The following BICRAL variants were observed in gnomAD, a reference collection of about 807,000 sequenced individuals.
The protein encoded by BICRAL is BRD4-interacting chromatin-remodeling complex-associated protein-like.
Under a neutral mutation model 91.8 loss-of-function variants are expected in BICRAL, and 8 were observed. That is an observed-to-expected ratio of 0.09 (90% CI 0.05 to 0.16). The LOEUF (loss-of-function observed/expected upper bound fraction) is 0.16, where lower values mean the gene tolerates loss of function less well. Ranked by LOEUF, BICRAL falls within the 10% of genes least tolerant of loss-of-function variation. The pLI, the probability that BICRAL is intolerant of heterozygous loss-of-function variation, is 1.00. For missense variants in BICRAL, 1,038 were observed against 1,310.9 expected, an observed-to-expected ratio of 0.79 and a Z score of 3.21; for synonymous variants, 445 against 491.1, an observed-to-expected ratio of 0.91 and a Z score of 1.24.
upstream of BICRAL, among the ~76,000 whole-genome samples, chr6:42,777,269 C>T (rs1038075624): frequency 3.3e-5 from 5 of 152,242 alleles, no homozygotes; most frequent in South Asian, 2.1e-4. Flanking sequence ...AGTTCCTGAA[C>T]GCTTAAAATA....
At chr6:42,818,855 T>C (rs1415194115) in intron 2 of BICRAL, among the ~76,000 whole-genome samples, 1 of 152,238 alleles carries the variant, frequency 6.6e-6, no homozygotes, top group Non-Finnish European at 1.5e-5. Flanking sequence ...GATTAAAAGC[T>C]ATTATTTAAG....
At chr6:42,784,188 A>C (rs1763033879) in intron 1 of BICRAL, among the ~76,000 whole-genome samples, 1 of 152,096 alleles carries the variant, frequency 6.6e-6, no homozygotes, top group Non-Finnish European at 1.5e-5. Context: ...GTTTCTTAGA[A>C]CTCTAATCTG....
intron 2 of BICRAL, among the ~76,000 whole-genome samples, chr6:42,813,043 T>G (rs1036804468): frequency 6.6e-6 from 1 of 151,982 alleles, no homozygotes; most frequent in African/African-American, 2.4e-5. Context: ...TCAAGAAAAT[T>G]AGTAAATTAA....
intron 1 of BICRAL, among the ~76,000 whole-genome samples, chr6:42,750,214 G>A (rs984686319): frequency 6.6e-6 from 1 of 151,392 alleles, no homozygotes; most frequent in South Asian, 2.1e-4. Context: ...AGGCTAAAGT[G>A]CAGTGGTGCA....
intron 6 of BICRAL, among the ~76,000 whole-genome samples, chr6:42,836,107 C>T (rs1050957092): frequency 1.3e-5 from 2 of 152,160 alleles, no homozygotes; most frequent in African/African-American, 2.4e-5. Flanking sequence ...TAGACAAGCA[C>T]GCACAGTGCA....
At chr6:42,780,347 G>C (rs1316155380), upstream of BICRAL, among the ~76,000 whole-genome samples, 2 of 152,020 alleles carry the variant, frequency 1.3e-5, no homozygotes, top group African/African-American at 4.8e-5. Context: ...TGCTTAAGGG[G>C]ATATAGAAGC....
rs897118043 is a variant in BICRAL at position 42,835,185 on chromosome 6, A to G, written c.1839+5013A>G. ...ACTCTACTGCCCAGGCTGGAGTGCA[A>G]TGGCACGATATCTGCTCACTGCAAC... On this transcript the variant is annotated intron_variant, in intron 6 of 12. Transcript: ENST00000314073. Among the ~76,000 whole-genome samples, 18 of 151,582 alleles carry G rather than the reference A, an allele frequency of 1.2e-4. 1 individual carries two copies. The highest frequency in any genetic ancestry group is 4.1e-4 in the African/African-American group (17 of 41,234).
At chr6:42,837,327 C>T (rs780179103) in intron 6 of BICRAL, among the ~76,000 whole-genome samples, 1 of 151,924 alleles carries the variant, frequency 6.6e-6, no homozygotes, top group Admixed American at 6.6e-5. Flanking sequence ...AGGCTTTTGG[C>T]GTTTGTATAT....
chr6:42,816,081 A>G (rs1763986069), intron 2 of BICRAL, among the ~76,000 whole-genome samples: 1 of 151,246 alleles, frequency 6.6e-6, no homozygotes, highest in African/African-American at 2.4e-5. Context: ...AAAATATTCT[A>G]AGGGCTGGGC....
At chr6:42,777,527 ACT>A (rs2113852016), upstream of BICRAL, among the ~76,000 whole-genome samples, 1 of 152,250 alleles carries the variant, frequency 6.6e-6, no homozygotes, top group African/African-American at 2.4e-5. Context: ...CTTCACAAAC[ACT>A]CTATAGAACA....
chr6:42,822,656 A>AC, intron 3 of BICRAL, 140 bp from the exon 4 acceptor site: 4 of 533,146 alleles, frequency 7.5e-6, no homozygotes, highest in Non-Finnish European at 3.3e-6. Flanking sequence ...AAAAAAAAAA[A>AC]CCTACTAATA....
chr6:42,806,442 G>C (rs1469025071), intron 1 of BICRAL, among the ~76,000 whole-genome samples: 2 of 152,086 alleles, frequency 1.3e-5, no homozygotes, highest in Non-Finnish European at 2.9e-5. Flanking sequence ...TGACCTTCCG[G>C]CTCAAGCAAT....
At chr6:42,750,768 G>A (rs1012034995) in intron 1 of BICRAL, among the ~76,000 whole-genome samples, 2 of 151,460 alleles carry the variant, frequency 1.3e-5, no homozygotes, top group African/African-American at 4.8e-5. Context: ...GTACAGATGG[G>A]GTTTCACCAT....
At chr6:42,751,452 A>G (rs958297935) in intron 1 of BICRAL, among the ~76,000 whole-genome samples, 1 of 152,176 alleles carries the variant, frequency 6.6e-6, no homozygotes, top group Non-Finnish European at 1.5e-5. Flanking sequence ...TTTTAATGTT[A>G]CAAAGGGAAT....
At chr6:42,831,958 C>T (rs540825525) in intron 6 of BICRAL, among the ~76,000 whole-genome samples, 1 of 151,664 alleles carries the variant, frequency 6.6e-6, no homozygotes, top group African/African-American at 2.4e-5. Context: ...AGGCTGGTCT[C>T]GAACTCCTGG....
At chr6:42,810,943 C>T (rs1763827551) in intron 2 of BICRAL, among the ~76,000 whole-genome samples, 1 of 152,094 alleles carries the variant, frequency 6.6e-6, no homozygotes, top group Non-Finnish European at 1.5e-5. Flanking sequence ...GTCCTCCTTC[C>T]TTCTCCCTTT....
intron 6 of BICRAL, among the ~76,000 whole-genome samples, chr6:42,841,414 C>T (rs1283286619): frequency 2.6e-5 from 4 of 151,958 alleles, no homozygotes. Context: ...GTCTCGAACT[C>T]CTGACCTTGT....
At chr6:42,836,629 T>TC (rs1764645227) in intron 6 of BICRAL, among the ~76,000 whole-genome samples, 1 of 148,962 alleles carries the variant, frequency 6.7e-6, no homozygotes, top group Admixed American at 6.7e-5. Context: ...CTTTTTTTTT[T>TC]TTTTTTTTTT....
In BICRAL at chr6:42,855,842, TG is replaced by T. The variant is rs1765333723; in HGVS notation, c.2047-13del. On this transcript the variant is annotated splice_polypyrimidine_tract_variant and intron_variant, in intron 8 of 12. Transcript: ENST00000314073. ...CTATAAAAGGGAATAATAAGAGGTT[TG>T]TTTTGTCTTTAGGTGGAGAGTCATT... The T allele has an allele frequency of 2.5e-5, 40 of 1,606,674 alleles. No individual in the cohort carries two copies. Among genetic ancestry groups the T allele is most frequent in the Non-Finnish European group, 3.3e-5 (39 of 1,173,428 alleles).
Sources: gnomAD v4.1 joint callset for allele counts (sites outside exome capture counted in the v4.1 genomes callset) on GRCh38, gnomAD v4.1.1 for gene constraint, MANE v1.5 for transcripts, NCBI Gene and HGNC (gene_info 2026-07-23, HGNC 2026-07-21) for gene names.